MELK: variants seen among roughly 807,000 people sequenced by gnomAD.
The protein encoded by MELK is maternal embryonic leucine zipper kinase.
Under a neutral mutation model 85.0 loss-of-function variants are expected in MELK, and 81 were observed. That is an observed-to-expected ratio of 0.95 (90% CI 0.80 to 1.15). The LOEUF is 1.15. MELK is among the 50% of genes most tolerant of loss of function. MELK has a pLI of 0.00. For synonymous variants in MELK, 252 were observed against 265.0 expected (o/e 0.95, Z 0.48); for missense variants, 754 against 777.5 (o/e 0.97, Z 0.36).
chr9:36,594,647 T>C lies in MELK; in HGVS notation c.281T>C (p.Leu94Pro), dbSNP rs1823990399. 2.5e-6 allele frequency: 4 copies of C among 1,614,090 alleles called. No individual in the cohort carries two copies. The South Asian group carries it at 4.4e-5, about 18-fold the overall frequency. The change falls in exon 5 of 18, where the codon CTG (leucine) becomes CCG (proline). Residue 94 changes from leucine (L) to proline (P), a missense_variant. By Grantham distance (98) the Leu-to-Pro change is moderately conservative. Transcript: ENST00000298048. ...TTGAAGTACTGCCCTGGAGGAGAGCTGTTTGACTATATAATTTCCCAGGAT... is the reference window on the plus strand; with the variant it reads ...TTGAAGTACTGCCCTGGAGGAGAGCCGTTTGACTATATAATTTCCCAGGAT... ...MVLEYCPGGE[L>P]FDYIISQDRL...
intron 1 of MELK, among the ~76,000 whole-genome samples, chr9:36,577,761 C>T (rs991147043): frequency 6.6e-6 from 1 of 152,130 alleles, no homozygotes; most frequent in African/African-American, 2.4e-5. Context: ...AAGTGATTCT[C>T]CTGCCTCAGC....
At chr9:36,580,637 A>G (rs1363636337) in intron 1 of MELK, among the ~76,000 whole-genome samples, 3 of 150,302 alleles carry the variant, frequency 2.0e-5, no homozygotes, top group Admixed American at 6.6e-5. Context: ...TTTTTTTTAA[A>G]TTATTTTTTC....
intron 11 of MELK, among the ~76,000 whole-genome samples, chr9:36,649,888 C>G (rs915669656): frequency 6.6e-6 from 1 of 152,172 alleles, no homozygotes; most frequent in Non-Finnish European, 1.5e-5. Flanking sequence ...AGTTCAAGAT[C>G]AGCCTGGGCA....
chr9:36,619,829 C>G (rs1196693979), intron 8 of MELK, among the ~76,000 whole-genome samples: 1 of 152,298 alleles, frequency 6.6e-6, no homozygotes, highest in East Asian at 1.9e-4. Flanking sequence ...TTCTCTACTT[C>G]CTTGTTTCCC....
At chr9:36,629,506 C>T (rs945018095) in intron 8 of MELK, among the ~76,000 whole-genome samples, 27 of 152,160 alleles carry the variant, frequency 1.8e-4, no homozygotes, top group African/African-American at 6.5e-4. Context: ...TAGAAAGTGG[C>T]TTTCACTAGT....
intron 11 of MELK, among the ~76,000 whole-genome samples, chr9:36,647,972 A>G (rs1830376185): frequency 1.3e-5 from 2 of 152,294 alleles, no homozygotes; most frequent in South Asian, 4.1e-4. Flanking sequence ...ATTACTAAAA[A>G]CAGAGTTGGT....
intron 8 of MELK, among the ~76,000 whole-genome samples, chr9:36,616,575 A>G (rs1826836039): frequency 6.6e-6 from 1 of 151,610 alleles, no homozygotes; most frequent in South Asian, 2.1e-4. Context: ...GTTTTAGCAG[A>G]GATGGGGTTT....
chr9:36,589,230 G>A (rs990986315), intron 3 of MELK, among the ~76,000 whole-genome samples: 1 of 151,648 alleles, frequency 6.6e-6, no homozygotes, highest in Non-Finnish European at 1.5e-5. Context: ...CTCACTCCAA[G>A]CTCCGCCTCC....
chr9:36,649,503 C>T (rs906792274), intron 11 of MELK, among the ~76,000 whole-genome samples: 5 of 151,082 alleles, frequency 3.3e-5, no homozygotes, highest in African/African-American at 1.2e-4. Flanking sequence ...CGGTGGCTTA[C>T]GCCTGTAAAC....
At chr9:36,589,421 A>T in intron 3 of MELK, 115 bp from the exon 4 acceptor site, 1 of 767,154 alleles carries the variant, frequency 1.3e-6, no homozygotes, top group Non-Finnish European at 2.2e-6. Context: ...GTGCGGGATT[A>T]CAGGTGTGAG....
rs55796800 is a variant in MELK at position 36,644,209 on chromosome 9, T to TTG, written c.921+1168_921+1169dup. Among the ~76,000 whole-genome samples the TTG allele has an allele frequency of 2.4e-3, 348 of 145,402 alleles. 3 individuals carry two copies. Among genetic ancestry groups the TTG allele is most frequent in the African/African-American group, 7.7e-3 (301 of 39,072 alleles). On this transcript the variant is annotated intron_variant, in intron 11 of 17. Coordinates refer to ENST00000298048, the MANE Select transcript of MELK (RefSeq NM_014791.4). ...TCAGTCTCTAGATCATACCTGTGTT[T>TTG]TGTGTGTGTGTGTGTGTGTGTGTGT...
chr9:36,660,916 G>A (rs1012189230), intron 13 of MELK, among the ~76,000 whole-genome samples: 80 of 152,222 alleles, frequency 5.3e-4, no homozygotes, highest in African/African-American at 1.7e-3. Context: ...GCTTGAACCC[G>A]GGAGGTGGAG....
chr9:36,622,960 C>A (rs879549925), intron 8 of MELK, among the ~76,000 whole-genome samples: 1 of 152,170 alleles, frequency 6.6e-6, no homozygotes, highest in Non-Finnish European at 1.5e-5. Flanking sequence ...CTTAAATAAA[C>A]AAACACAAAT....
chr9:36,623,318 G>A (rs948957494), intron 8 of MELK, among the ~76,000 whole-genome samples: 1 of 152,196 alleles, frequency 6.6e-6, no homozygotes. Context: ...AATAGTCCCT[G>A]CCTACTACAG....
chr9:36,580,043 T>C (rs918920303), intron 1 of MELK, among the ~76,000 whole-genome samples: 2,356 of 144,614 alleles, frequency 0.016, 24 homozygotes, highest in African/African-American at 0.056. Flanking sequence ...GTCTTCTTTT[T>C]TTTTTTTTTT....
chr9:36,642,770 G>A (rs1259879151), intron 10 of MELK, among the ~76,000 whole-genome samples: 1 of 152,072 alleles, frequency 6.6e-6, no homozygotes, highest in Non-Finnish European at 1.5e-5. Context: ...AGATGATGAT[G>A]GGGATAAAGA....
intron 8 of MELK, among the ~76,000 whole-genome samples, chr9:36,618,418 A>G (rs1051031246): frequency 2.6e-5 from 4 of 152,012 alleles, no homozygotes; most frequent in Admixed American, 2.6e-4. Flanking sequence ...AAAAAAAAAA[A>G]AAAGAAAAAG....
At chr9:36,634,646 G>T (rs1439732959) in intron 10 of MELK, among the ~76,000 whole-genome samples, 1 of 151,802 alleles carries the variant, frequency 6.6e-6, no homozygotes, top group Non-Finnish European at 1.5e-5. Flanking sequence ...GGCAGAGGTT[G>T]CAGTGAGCTA....
intron 8 of MELK, among the ~76,000 whole-genome samples, chr9:36,626,193 A>G (rs1827911831): frequency 6.6e-6 from 1 of 152,102 alleles, no homozygotes; most frequent in Non-Finnish European, 1.5e-5. Flanking sequence ...GCCCACCAAG[A>G]GTTTTGCCTA....
Sources: gnomAD v4.1 joint callset for allele counts (sites outside exome capture counted in the v4.1 genomes callset) on GRCh38, gnomAD v4.1.1 for gene constraint, MANE v1.5 for transcripts, NCBI Gene and HGNC (gene_info 2026-07-23, HGNC 2026-07-21) for gene names.